The following CNOT4 variants were observed in gnomAD, a reference collection of about 807,000 sequenced individuals.
CNOT4 encodes the protein CCR4-NOT transcription complex subunit 4, also known as CCR4-associated factor 4.
In CNOT4, 8 loss-of-function variants were observed where a neutral mutation model predicts 73.8. The observed-to-expected ratio is 0.11, with a 90% CI of 0.06 to 0.20. The LOEUF is 0.20. Ranked by LOEUF, CNOT4 falls within the 10% of genes least tolerant of loss-of-function variation. CNOT4 has a pLI of 1.00. For missense variants in CNOT4, 564 were observed against 883.4 expected, an observed-to-expected ratio of 0.64 and a Z score of 4.58; for synonymous variants, 293 against 321.1, an observed-to-expected ratio of 0.91 and a Z score of 0.94.
In CNOT4 at chr7:135,394,260, G is replaced by C. The variant is rs376949221; in HGVS notation, c.1285C>G (p.Pro429Ala). The change falls in exon 10 of 12, where the codon CCT (proline) becomes GCT (alanine). Residue 429 changes from proline to alanine, a missense_variant. Coordinates refer to ENST00000541284, the MANE Select transcript of CNOT4 (RefSeq NM_001190850.2). ...IEKELSVQDQ[P>A]SLSPTSLQNS... ...TGAAGAGATGTGGGCGAAAGGGAAG[G>C]TTGGTCTTGAACGGACAGTTCCTTC... is the stretch of plus-strand genomic sequence containing the variant. 19 of 1,614,068 alleles carry C rather than the reference G, an allele frequency of 1.2e-5. No homozygotes were observed. The highest frequency in any genetic ancestry group is 2.7e-5 in the African/African-American group (2 of 74,932).
In CNOT4 at chr7:135,395,782, T is replaced by C. The variant is rs1458297412; in HGVS notation, c.981A>G (p.Glu327=). 1.2e-6 allele frequency: 2 copies of C among 1,614,090 alleles called. No individual in the cohort carries two copies. Among genetic ancestry groups the C allele is most frequent in the South Asian group, 2.2e-5 (2 of 91,076 alleles). Residue 327 remains glutamate, a synonymous_variant, in exon 9 of 12, where the codon GAA becomes GAG. Transcript: ENST00000541284. The part of the protein sequence containing the change: ...SSNHSARSPF[E]GAVTESQSLF... ...ACGACTGTGACTCTGTTACTGCCCC[T>C]TCAAAAGGGGACCGTGCACTGTGAT... is the stretch of plus-strand genomic sequence containing the variant.
At chr7:135,451,200 TTAAA>T (rs1800141108) in intron 1 of CNOT4, among the ~76,000 whole-genome samples, 1 of 152,162 alleles carries the variant, frequency 6.6e-6, no homozygotes, top group Non-Finnish European at 1.5e-5. Flanking sequence ...ATCAGTAAAA[TTAAA>T]TAAAGCAGTT....
chr7:135,458,304 T>TA (rs1800668736), intron 1 of CNOT4, among the ~76,000 whole-genome samples: 1 of 152,112 alleles, frequency 6.6e-6, no homozygotes, highest in Admixed American at 6.6e-5. Flanking sequence ...ACTTTACTGC[T>TA]AAAAAATGAT....
rs140755390 is a variant in CNOT4, at chr7:135,485,904, C to T, written c.-93+23985G>A. ...GTTGTTACACTTGACACCAAAAGCA[C>T]GATCCACAAAAGGAAGAACTGCTAT... is the stretch of plus-strand genomic sequence containing the variant. On this transcript the variant is annotated intron_variant, in intron 1 of 11. Coordinates refer to ENST00000541284, the MANE Select transcript of CNOT4 (RefSeq NM_001190850.2). 3.9e-5 allele frequency among the ~76,000 whole-genome samples: 6 copies of T among 152,258 alleles called. No individual in the cohort carries two copies. The East Asian group carries it at 7.7e-4, about 20-fold the overall frequency.
At chr7:135,455,860 T>C (rs1800493682) in intron 1 of CNOT4, among the ~76,000 whole-genome samples, 2 of 152,160 alleles carry the variant, frequency 1.3e-5, no homozygotes, top group African/African-American at 4.8e-5. Flanking sequence ...AGAGCAAGAC[T>C]GTCTCAAAAA....
At chr7:135,399,234 T>C (rs1348963934) in intron 7 of CNOT4, among the ~76,000 whole-genome samples, 1 of 152,102 alleles carries the variant, frequency 6.6e-6, no homozygotes, top group Non-Finnish European at 1.5e-5. Flanking sequence ...TAGGTGATTT[T>C]GTCATTGTGG....
chr7:135,506,625 G>A (rs771301511), intron 1 of CNOT4, among the ~76,000 whole-genome samples: 7 of 152,062 alleles, frequency 4.6e-5, no homozygotes, highest in African/African-American at 9.7e-5. Flanking sequence ...CAAGGTGGGC[G>A]GATCACGAGG....
chr7:135,362,693 T>C lies in CNOT4; in HGVS notation c.*192A>G, dbSNP rs1174233767. 2 of 735,492 alleles carry C rather than the reference T, an allele frequency of 2.7e-6. No homozygotes were observed. Among genetic ancestry groups the C allele is most frequent in the Admixed American group, 3.8e-5 (2 of 52,512 alleles). The allele number at this position is 735,492 out of a possible 1,614,324, so 45.6% of individuals were successfully genotyped here. A position where few individuals can be genotyped will look rare whatever the true frequency, so the allele number is the denominator to read the frequency against. On this transcript the variant is annotated 3_prime_UTR_variant, in exon 12 of 12. Coordinates refer to ENST00000541284, the MANE Select transcript of CNOT4 (RefSeq NM_001190850.2). ...CACTCAAATGCTGGATCAACAAAAA[T>C]TTTTACAATTAATAAAGAGATGGTA...
rs1585607520 is a variant in CNOT4 at position 135,414,517 on chromosome 7, A to G, written c.460-85T>C. ...ATTCTACTGCAACCTAGGGAATTCT[A>G]AAGACCCTGACTACTACTATTACTA... is the stretch of plus-strand genomic sequence containing the variant. On this transcript the variant is annotated intron_variant, in intron 4 of 11. Coordinates refer to ENST00000541284, the MANE Select transcript of CNOT4 (RefSeq NM_001190850.2). 3.7e-5 allele frequency: 26 copies of G among 697,700 alleles called. No individual in the cohort carries two copies. The East Asian group carries it at 6.5e-4, about 18-fold the overall frequency. 43.2% of individuals were successfully genotyped at this position (697,700 alleles called of 1,614,324 possible).
intron 1 of CNOT4, among the ~76,000 whole-genome samples, chr7:135,470,821 G>C (rs754017713): frequency 5.3e-5 from 8 of 152,306 alleles, no homozygotes; most frequent in Non-Finnish European, 7.3e-5. Context: ...TTGAATCTGG[G>C]AGACAGGTAT....
At chr7:135,492,949 G>A (rs528792956) in intron 1 of CNOT4, among the ~76,000 whole-genome samples, 8 of 152,308 alleles carry the variant, frequency 5.3e-5, no homozygotes, top group Non-Finnish European at 1.0e-4. Context: ...GAATGACAAT[G>A]AGCCAGGAGC....
intron 1 of CNOT4, among the ~76,000 whole-genome samples, chr7:135,453,243 C>T (rs746169276): frequency 5.9e-5 from 9 of 152,032 alleles, no homozygotes; most frequent in Non-Finnish European, 1.0e-4. Flanking sequence ...AGGAGAAACA[C>T]TAAACTGAAA....
intron 10 of CNOT4, among the ~76,000 whole-genome samples, chr7:135,385,302 C>A (rs1369760645): frequency 2.0e-5 from 3 of 152,228 alleles, no homozygotes; most frequent in African/African-American, 7.2e-5. Flanking sequence ...AATACCTCAG[C>A]TGGATCTCCT....
chr7:135,427,056 C>T (rs1376133189), intron 2 of CNOT4, among the ~76,000 whole-genome samples: 1 of 151,970 alleles, frequency 6.6e-6, no homozygotes, highest in Non-Finnish European at 1.5e-5. Context: ...TTGTGCATTA[C>T]ATATCAAACT....
At chr7:135,431,075 G>C (rs1413977698) in intron 2 of CNOT4, among the ~76,000 whole-genome samples, 1 of 152,068 alleles carries the variant, frequency 6.6e-6, no homozygotes, top group Non-Finnish European at 1.5e-5. Flanking sequence ...GACCAGCCTG[G>C]GCAACACAGC....
intron 1 of CNOT4, among the ~76,000 whole-genome samples, chr7:135,496,964 G>A (rs537966007): frequency 5.7e-4 from 86 of 151,966 alleles, no homozygotes; most frequent in Non-Finnish European, 9.4e-4. Context: ...GCACCACCAA[G>A]CCTGGATAAT....
intron 10 of CNOT4, among the ~76,000 whole-genome samples, chr7:135,392,502 T>C (rs1459615000): frequency 6.6e-6 from 1 of 151,930 alleles, no homozygotes; most frequent in Non-Finnish European, 1.5e-5. Flanking sequence ...CAAAGTAAAA[T>C]CAAAGAAAAT....
intron 10 of CNOT4, among the ~76,000 whole-genome samples, chr7:135,369,892 C>T (rs1795104598): frequency 6.6e-6 from 1 of 152,168 alleles, no homozygotes; most frequent in Non-Finnish European, 1.5e-5. Context: ...TTATGCTGAA[C>T]TAAACTTCAA....
At chr7:135,401,071 T>G (rs1247994336) in intron 7 of CNOT4, among the ~76,000 whole-genome samples, 1 of 152,154 alleles carries the variant, frequency 6.6e-6, no homozygotes, top group Non-Finnish European at 1.5e-5. Flanking sequence ...AAAAACTATA[T>G]TTACAAATTC....
Sources: allele counts gnomAD v4.1 joint callset (sites outside exome capture counted in the v4.1 genomes callset), GRCh38; gene constraint gnomAD v4.1.1; transcripts MANE v1.5; gene names NCBI Gene and HGNC (gene_info 2026-07-23, HGNC 2026-07-21).